Variants in ATP6V0E1 observed in about 807,000 individuals in gnomAD.
ATP6V0E1 encodes ATPase H+ transporting V0 subunit e1.
In ATP6V0E1, 4 loss-of-function variants were observed where a neutral mutation model predicts 11.6. The observed-to-expected ratio is 0.35, with a 90% CI of 0.17 to 0.79. ATP6V0E1 has a LOEUF of 0.79. Among genes scored for constraint, ATP6V0E1 ranks in the 30% least tolerant of loss-of-function variants. ATP6V0E1 has a pLI of 0.54. For synonymous variants in ATP6V0E1, 36 were observed against 34.8 expected (o/e 1.04, Z -0.13); for missense variants, 105 against 100.0 (o/e 1.05, Z -0.21).
chr5:172,985,200 G>T (rs1244866588), intron 1 of ATP6V0E1, among the ~76,000 whole-genome samples: 1 of 148,576 alleles, frequency 6.7e-6, no homozygotes, highest in South Asian at 2.1e-4. Context: ...AGCCGAGATC[G>T]CGCCACTGCA....
chr5:172,991,855 T>C (rs889850072), intron 1 of ATP6V0E1, among the ~76,000 whole-genome samples: 1 of 152,228 alleles, frequency 6.6e-6, no homozygotes, highest in Non-Finnish European at 1.5e-5. Flanking sequence ...GCTTTCTTTT[T>C]GCCCCGCTTC....
chr5:173,028,398 A>C (rs955639149), intron 3 of ATP6V0E1, among the ~76,000 whole-genome samples: 40 of 152,130 alleles, frequency 2.6e-4, no homozygotes, highest in African/African-American at 9.4e-4. Flanking sequence ...ATGATAAAGG[A>C]GTTTAGAAGG....
At chr5:173,006,726 TTACA>T (rs1295023337) in intron 2 of ATP6V0E1, among the ~76,000 whole-genome samples, 2 of 152,196 alleles carry the variant, frequency 1.3e-5, no homozygotes, top group Non-Finnish European at 2.9e-5. Context: ...GTGTTGTTTG[TTACA>T]TACATTTAAG....
chr5:173,002,728 C>T (rs1756177832), intron 2 of ATP6V0E1, among the ~76,000 whole-genome samples: 1 of 152,206 alleles, frequency 6.6e-6, no homozygotes, highest in African/African-American at 2.4e-5. Context: ...TGGCTCATGC[C>T]TGTAATCTCA....
In ATP6V0E1 at chr5:173,023,256, C is replaced by T. The variant is rs139812609; in HGVS notation, c.*36+2889C>T. 5.9e-3 allele frequency among the ~76,000 whole-genome samples: 905 copies of T among 152,298 alleles called. 10 individuals carry two copies. The highest frequency in any genetic ancestry group is 0.02 in the African/African-American group (851 of 41,568). ...TCACCCAGTCTAGAGTGCAGTGGCA[C>T]GATCTCAACTCACTGCAACCTCTGC... is the stretch of plus-strand genomic sequence containing the variant. On this transcript the variant is annotated intron_variant, in intron 3 of 3. Transcript: ENST00000519374.
At chr5:172,988,463 G>C (rs182138535) in intron 1 of ATP6V0E1, among the ~76,000 whole-genome samples, 273 of 152,072 alleles carry the variant, frequency 1.8e-3, no homozygotes, top group African/African-American at 6.3e-3. Context: ...ATGGAAATAG[G>C]CTTTTCTGTA....
At chr5:173,009,381 A>G (rs954674627) in intron 2 of ATP6V0E1, among the ~76,000 whole-genome samples, 3 of 151,900 alleles carry the variant, frequency 2.0e-5, no homozygotes, top group Non-Finnish European at 4.4e-5. Context: ...TGGGCAACAT[A>G]GCAAGATTCT....
intron 3 of ATP6V0E1, among the ~76,000 whole-genome samples, chr5:173,030,836 C>A (rs959336804): frequency 1.3e-5 from 2 of 152,074 alleles, no homozygotes; most frequent in Admixed American, 6.6e-5. Flanking sequence ...GCAACATTGA[C>A]CTCCCAGGTT....
rs535270134 is a variant in ATP6V0E1 at position 172,984,073 on chromosome 5, C to T, written c.104+109C>T. The stretch of plus-strand genomic sequence containing the variant: ...GGTCAGAGAACGTTGCATGGGCGCC[C>T]CCCGCGCTGCAGAGTCAGGCCCCCG... On this transcript the variant is annotated intron_variant, in intron 1 of 3. Transcript: ENST00000519374. The T allele has an allele frequency of 3.8e-5, 41 of 1,071,508 alleles. No homozygotes were observed. The Admixed American group carries it at 6.2e-4, about 16-fold the overall frequency. The allele number at this position is 1,071,508 out of a possible 1,614,324, so 66.4% of individuals were successfully genotyped here. A position where few individuals can be genotyped will look rare whatever the true frequency, so the allele number is the denominator to read the frequency against.
chr5:172,993,679 A>ACT (rs1756017347), intron 1 of ATP6V0E1, among the ~76,000 whole-genome samples: 2 of 79,364 alleles, frequency 2.5e-5, no homozygotes, highest in Admixed American at 1.5e-4. Context: ...ACATATTGAG[A>ACT]CCCCCCCCCC....
intron 1 of ATP6V0E1, chr5:172,987,151 TG>T: frequency 4.8e-6 from 1 of 206,814 alleles, no homozygotes; most frequent in South Asian, 6.6e-5. Flanking sequence ...GTGAAGGCCA[TG>T]GGGAAGGGGC....
rs539412030 is a variant in ATP6V0E1 at position 173,013,447 on chromosome 5, C to T, written c.153-6791C>T. Among the ~76,000 whole-genome samples, 510 of 151,876 alleles carry T rather than the reference C, an allele frequency of 3.4e-3. 2 individuals carry two copies. The highest frequency in any genetic ancestry group is 6.8e-3 in the Middle Eastern group (2 of 294). The stretch of plus-strand genomic sequence containing the variant: ...AAAATTAACCAGGCGTAGTGGTGGG[C>T]GCCTGTAGTCCCAGCTACTCCGGAG... On this transcript the variant is annotated intron_variant, in intron 2 of 3. Coordinates refer to ENST00000519374, the MANE Select transcript of ATP6V0E1 (RefSeq NM_003945.4).
intron 2 of ATP6V0E1, among the ~76,000 whole-genome samples, chr5:172,997,787 T>TGGGCG (rs1756089842): frequency 7.0e-6 from 1 of 143,562 alleles, no homozygotes. Context: ...CACTCCAGTC[T>TGGGCG]GGGCGACAGA....
At chr5:172,997,839 G>A (rs181904320) in intron 2 of ATP6V0E1, among the ~76,000 whole-genome samples, 1 of 141,416 alleles carries the variant, frequency 7.1e-6, no homozygotes, top group South Asian at 2.2e-4. Context: ...GTTCTAGGCC[G>A]GGCATGGTGG....
rs1756710606 is a variant in ATP6V0E1 at position 173,034,536 on chromosome 5, T to C, written c.*174T>C. ...TGCCTTATTCTACAATGCAGCGTGT[T>C]TTCCTTTGCCTTTTTTGCACTTTGG... On this transcript the variant is annotated 3_prime_UTR_variant, in exon 4 of 4. Coordinates refer to ENST00000519374, the MANE Select transcript of ATP6V0E1 (RefSeq NM_003945.4). 1 of 682,972 alleles carries C rather than the reference T, an allele frequency of 1.5e-6. No homozygotes were observed. Among genetic ancestry groups the C allele is most frequent in the Non-Finnish European group, 2.7e-6 (1 of 369,884 alleles). The allele number at this position is 682,972 out of a possible 1,614,324, so 42.3% of individuals were successfully genotyped here.
At chr5:172,999,975 AAG>A in intron 2 of ATP6V0E1, among the ~76,000 whole-genome samples, 1 of 152,302 alleles carries the variant, frequency 6.6e-6, no homozygotes, top group Non-Finnish European at 1.5e-5. Flanking sequence ...TATTCCACAA[AAG>A]AGTGAGATTC....
chr5:173,033,622 C>G (rs550994978), intron 3 of ATP6V0E1, among the ~76,000 whole-genome samples: 1 of 151,970 alleles, frequency 6.6e-6, no homozygotes, highest in East Asian at 1.9e-4. Context: ...ATGGGCACAA[C>G]GCTTGAGCCC....
At chr5:173,031,956 G>A (rs933501573) in intron 3 of ATP6V0E1, among the ~76,000 whole-genome samples, 2 of 151,830 alleles carry the variant, frequency 1.3e-5, no homozygotes, top group African/African-American at 4.8e-5. Flanking sequence ...ACCAGCCTGG[G>A]TAACATGGTG....
intron 3 of ATP6V0E1, among the ~76,000 whole-genome samples, chr5:173,034,055 C>T (rs1756704324): frequency 6.6e-6 from 1 of 152,212 alleles, no homozygotes; most frequent in African/African-American, 2.4e-5. Flanking sequence ...GGAACCTCCC[C>T]TCCATGCTAT....
Sources: allele counts gnomAD v4.1 joint callset (sites outside exome capture counted in the v4.1 genomes callset), GRCh38; gene constraint gnomAD v4.1.1; transcripts MANE v1.5; gene names NCBI Gene and HGNC (gene_info 2026-07-23, HGNC 2026-07-21).